The following ABLIM1 variants were observed in gnomAD, a reference collection of about 807,000 sequenced individuals.
ABLIM1 encodes actin-binding LIM protein 1.
In ABLIM1, 40 loss-of-function variants were observed where a neutral mutation model predicts 107.0. That is an observed-to-expected ratio of 0.37 (90% confidence interval 0.29 to 0.49). ABLIM1 has a LOEUF of 0.49. ABLIM1 is among the 20% of genes least tolerant of loss of function. The pLI is 0.97. For synonymous variants in ABLIM1, 357 were observed against 357.3 expected (o/e 1.00, Z 0.01); for missense variants, 857 against 1,008.5 (o/e 0.85, Z 2.04).
At chr10:114,710,418 C>A (rs1473627184) in intron 1 of ABLIM1, among the ~76,000 whole-genome samples, 1 of 152,120 alleles carries the variant, frequency 6.6e-6, no homozygotes, top group Non-Finnish European at 1.5e-5. Context: ...GAATGAGAGA[C>A]AAGCAAAAGG....
At chr10:114,641,946 G>A (rs2078773259) in intron 1 of ABLIM1, among the ~76,000 whole-genome samples, 1 of 152,032 alleles carries the variant, frequency 6.6e-6, no homozygotes, top group Non-Finnish European at 1.5e-5. Context: ...GCAGTGGCAT[G>A]ATCATAGCTC....
In ABLIM1 at chr10:114,448,787, C is replaced by T. The variant is rs372956769; in HGVS notation, c.1595-767G>A. On this transcript the variant is annotated intron_variant, in intron 14 of 22. Coordinates refer to ENST00000533213, the MANE Select transcript of ABLIM1 (RefSeq NM_002313.7). ...CACCACCATGCCCAGCTGATTTTTGCATTTTTAGTAGAGACAGGGTTTCTC... is the reference window on the plus strand; with the variant it reads ...CACCACCATGCCCAGCTGATTTTTGTATTTTTAGTAGAGACAGGGTTTCTC... Among the ~76,000 whole-genome samples, 26 of 152,132 alleles carry T rather than the reference C, an allele frequency of 1.7e-4. No homozygotes were observed. The East Asian group carries it at 3.9e-3, about 23-fold the overall frequency.
intron 2 of ABLIM1, among the ~76,000 whole-genome samples, chr10:114,579,505 C>T (rs2139131522): frequency 6.6e-6 from 1 of 152,326 alleles, no homozygotes. Flanking sequence ...AATTGGTTCT[C>T]TCAGGAGGGT....
At chr10:114,491,095 C>A (rs903695253) in intron 7 of ABLIM1, among the ~76,000 whole-genome samples, 1 of 149,632 alleles carries the variant, frequency 6.7e-6, no homozygotes, top group African/African-American at 2.5e-5. Context: ...GTCTTGAACT[C>A]CTCGGTTCAA....
chr10:114,447,904 C>A lies in ABLIM1; in HGVS notation c.1711G>T (p.Gly571Cys), dbSNP rs753025108. ...TPKIETDHWP[G>C]PPSFAVVGPD... is the part of the protein sequence containing the mutation. ...CCTACGACAGCAAATGAGGGGGGACCAGGCCAGTGGTCCGTCTCAATCTTT... is the reference window on the plus strand; with the variant it reads ...CCTACGACAGCAAATGAGGGGGGACAAGGCCAGTGGTCCGTCTCAATCTTT... The change falls in exon 15 of 23, where the codon GGT becomes TGT. Residue 571 changes from glycine to cysteine, a missense_variant. By Grantham distance (159) the Gly-to-Cys change is radical. This residue lies in a region of ABLIM1 where 103 missense variants were observed against 101.0 expected (regional missense o/e 1.02). Coordinates refer to ENST00000533213, the MANE Select transcript of ABLIM1 (RefSeq NM_002313.7). 2.5e-6 allele frequency: 4 copies of A among 1,613,982 alleles called. No homozygotes were observed. Among genetic ancestry groups the A allele is most frequent in the Non-Finnish European group, 3.4e-6 (4 of 1,180,024 alleles).
intron 6 of ABLIM1, among the ~76,000 whole-genome samples, chr10:114,539,874 G>A (rs1296584535): frequency 2.6e-5 from 4 of 152,078 alleles, no homozygotes; most frequent in Non-Finnish European, 4.4e-5. Flanking sequence ...GAAAGAAGGT[G>A]GGGGCAGGGG....
chr10:114,755,795 T>C (rs2142503583), intron 1 of ABLIM1, among the ~76,000 whole-genome samples: 1 of 152,382 alleles, frequency 6.6e-6, no homozygotes, highest in East Asian at 1.9e-4. Context: ...AAGCCAGCTC[T>C]GCTGGGGCCT....
At chr10:114,747,965 G>C (rs766102858) in intron 1 of ABLIM1, among the ~76,000 whole-genome samples, 2 of 152,176 alleles carry the variant, frequency 1.3e-5, no homozygotes, top group Non-Finnish European at 2.9e-5. Flanking sequence ...GCTTGAACTC[G>C]GGAGGCAGAG....
the ABLIM1 span, among the ~76,000 whole-genome samples, chr10:114,786,648 G>T: frequency 1.1e-4 from 16 of 152,300 alleles, no homozygotes; most frequent in African/African-American, 3.9e-4. Flanking sequence ...GCACTGAAAT[G>T]TATTTACCAC....
upstream of ABLIM1, among the ~76,000 whole-genome samples, chr10:114,771,127 G>A (rs1043455392): frequency 1.6e-4 from 12 of 76,812 alleles, no homozygotes; most frequent in African/African-American, 2.1e-4. Context: ...CACCGCACCC[G>A]GCCTATTCTT....
intron 6 of ABLIM1, among the ~76,000 whole-genome samples, chr10:114,528,132 G>A (rs1030091219): frequency 9.2e-5 from 14 of 151,850 alleles, no homozygotes; most frequent in South Asian, 2.1e-4. Context: ...CACTGCGCCC[G>A]GCAATTTTTA....
intron 6 of ABLIM1, among the ~76,000 whole-genome samples, chr10:114,503,818 A>G (rs2060760922): frequency 6.6e-6 from 1 of 152,206 alleles, no homozygotes; most frequent in South Asian, 2.1e-4. Context: ...GTGCAGTTTA[A>G]TCTCATCAGG....
the ABLIM1 span, among the ~76,000 whole-genome samples, chr10:114,800,439 C>G: frequency 6.6e-6 from 1 of 152,128 alleles, no homozygotes; most frequent in African/African-American, 2.4e-5. Context: ...CAGGAATGCA[C>G]CATTCTGTAA....
intron 4 of ABLIM1, among the ~76,000 whole-genome samples, chr10:114,559,767 CT>C (rs1416776621): frequency 6.6e-6 from 1 of 152,212 alleles, no homozygotes; most frequent in Admixed American, 6.5e-5. Context: ...AGCTTGAAGG[CT>C]GTGTTCTCAG....
At chr10:114,514,455 A>C (rs752042) in intron 6 of ABLIM1, among the ~76,000 whole-genome samples, 62,655 of 151,778 alleles carry the variant, frequency 0.41, 13,096 homozygotes, top group East Asian at 0.57. Flanking sequence ...CTCACTGCAG[A>C]CTCGACCACC....
At chr10:114,440,707 C>T (rs191240779) in intron 19 of ABLIM1, 287 of 444,482 alleles carry the variant, frequency 6.5e-4, no homozygotes, top group African/African-American at 5.2e-3. Flanking sequence ...GTAATCCTTC[C>T]GCCTCAGCCT....
At chr10:114,800,892 G>A in the ABLIM1 span, among the ~76,000 whole-genome samples, 2 of 151,688 alleles carry the variant, frequency 1.3e-5, no homozygotes, top group Non-Finnish European at 2.9e-5. Context: ...TGGGTGACAA[G>A]AGCAAGACTC....
intron 20 of ABLIM1, chr10:114,439,839 G>T (rs1318303582): frequency 3.4e-6 from 2 of 582,482 alleles, no homozygotes; most frequent in South Asian, 2.3e-5. Flanking sequence ...ACTCTCCAAG[G>T]CCAAAGCAAG....
intron 12 of ABLIM1, 140 bp downstream of exon 12, chr10:114,465,558 G>A (rs1297150191): frequency 1.0e-6 from 1 of 973,130 alleles, no homozygotes; most frequent in Admixed American, 2.9e-5. Flanking sequence ...AATATAGTTG[G>A]ATACCAGTTT....
Sources: allele counts gnomAD v4.1 joint callset (sites outside exome capture counted in the v4.1 genomes callset), GRCh38; gene constraint gnomAD v4.1.1; regional missense constraint gnomAD v4.1.1; transcripts MANE v1.5; gene names NCBI Gene and HGNC (gene_info 2026-07-23, HGNC 2026-07-21).